Variants in A1CF observed in about 807,000 individuals in gnomAD.
A1CF encodes APOBEC-1 stimulating protein.
A1CF carries 48 observed loss-of-function variants against 68.9 expected under a neutral mutation model. The observed-to-expected ratio is 0.70, with a 90% CI of 0.55 to 0.89. The LOEUF (loss-of-function observed/expected upper bound fraction) is 0.89. Ranked by LOEUF, A1CF falls within the 40% of genes least tolerant of loss-of-function variation. A1CF has a pLI of 0.00. For synonymous variants in A1CF, 272 were observed against 260.4 expected, an observed-to-expected ratio of 1.04 and a Z score of -0.43; for missense variants, 653 against 718.9, an observed-to-expected ratio of 0.91 and a Z score of 1.05.
At chr10:50,823,064 T>C (rs1838754248) in intron 7 of A1CF, 1 of 152,186 alleles carries the variant, frequency 6.6e-6, no homozygotes, top group African/African-American at 2.4e-5. Context: ...GTTAGTGGCA[T>C]TTGAGATGAT....
chr10:50,829,210 C>A (rs1839118976), intron 6 of A1CF, among the ~76,000 whole-genome samples: 1 of 151,978 alleles, frequency 6.6e-6, no homozygotes, highest in African/African-American at 2.4e-5. Context: ...ACCACCTCCC[C>A]CTTTTTTGTT....
chr10:50,832,762 A>G (rs1023706265), intron 6 of A1CF, among the ~76,000 whole-genome samples: 2 of 152,186 alleles, frequency 1.3e-5, no homozygotes, highest in African/African-American at 4.8e-5. Context: ...TAACTTTTAA[A>G]TTATGATTTA....
intron 3 of A1CF, among the ~76,000 whole-genome samples, chr10:50,847,002 C>T (rs551314727): frequency 2.0e-4 from 30 of 152,182 alleles, no homozygotes; most frequent in Non-Finnish European, 3.8e-4. Context: ...AATAGCTGTC[C>T]ATTACTCAGA....
intron 3 of A1CF, among the ~76,000 whole-genome samples, chr10:50,855,922 A>G (rs1840457784): frequency 6.6e-6 from 1 of 152,060 alleles, no homozygotes; most frequent in Non-Finnish European, 1.5e-5. Flanking sequence ...TTTTTTAAAA[A>G]GTAAACTTGA....
At chr10:50,819,127 T>C (rs2132349390) in intron 8 of A1CF, among the ~76,000 whole-genome samples, 1 of 152,236 alleles carries the variant, frequency 6.6e-6, no homozygotes, top group Non-Finnish European at 1.5e-5. Flanking sequence ...TTCTTTTCTC[T>C]TTTCTTTCTT....
At position 50,820,695 on chromosome 10, in the gene A1CF, C is replaced by T. The variant is rs767019897; in HGVS notation, c.770-46G>A. The T allele has an allele frequency of 2.0e-6, 3 of 1,505,604 alleles. No homozygotes were observed. In the African/African-American group the frequency reaches 4.2e-5, roughly 21 times the overall value. 93.3% of individuals were successfully genotyped at this position (1,505,604 alleles called of 1,614,324 possible). ...TGCCCCATTAACAAAATTAAGAGAG[C>T]CTTGAAAGTGATATATTTTAGCATC... On this transcript the variant is annotated intron_variant, in intron 7 of 12. Coordinates refer to ENST00000373997, the MANE Select transcript of A1CF (RefSeq NM_014576.4).
chr10:50,826,796 G>C (rs1838963473), intron 7 of A1CF, among the ~76,000 whole-genome samples: 1 of 152,034 alleles, frequency 6.6e-6, no homozygotes, highest in Non-Finnish European at 1.5e-5. Flanking sequence ...AACCTTAAAA[G>C]GTAAGTGGGC....
rs1304528775 is a variant in A1CF, at chr10:50,809,755, A to T, written c.1609+139T>A. The T allele has an allele frequency of 1.1e-5, 14 of 1,304,396 alleles. 1 individual carries two copies. In the South Asian group the frequency reaches 1.1e-4, roughly 11 times the overall value. The allele number at this position is 1,304,396 out of a possible 1,614,324, so 80.8% of individuals were successfully genotyped here. A position where few individuals can be genotyped will look rare whatever the true frequency, so the allele number is the denominator to read the frequency against. Reference sequence around the variant, plus strand: ...TTTTAATGAGTCACTCATTTGGGAAACTCTTTTTGGTCCCAAGGTTGTGCA... The same window carrying T: ...TTTTAATGAGTCACTCATTTGGGAATCTCTTTTTGGTCCCAAGGTTGTGCA... On this transcript the variant is annotated intron_variant, in intron 12 of 12. Transcript: ENST00000373997.
intron 3 of A1CF, among the ~76,000 whole-genome samples, chr10:50,849,621 A>C (rs1048776606): frequency 6.6e-6 from 1 of 152,136 alleles, no homozygotes; most frequent in Non-Finnish European, 1.5e-5. Flanking sequence ...ATGATATTAG[A>C]TGGTTTATAG....
At chr10:50,828,062 A>T in intron 7 of A1CF, 69 bp downstream of exon 7, 1 of 1,221,760 alleles carries the variant, frequency 8.2e-7, no homozygotes, top group Non-Finnish European at 1.1e-6. Context: ...TCCTCGACAC[A>T]TACACCCTCC....
intron 7 of A1CF, among the ~76,000 whole-genome samples, chr10:50,827,328 A>G (rs1588985753): frequency 6.6e-6 from 1 of 152,236 alleles, no homozygotes; most frequent in East Asian, 1.9e-4. Context: ...AACAGAATAT[A>G]CATTCTTCTC....
At position 50,828,244 on chromosome 10, in the gene A1CF, T is replaced by G; in HGVS notation, c.656A>C (p.Glu219Ala). The G allele has an allele frequency of 6.2e-7, 1 of 1,607,770 alleles. No individual in the cohort carries two copies. Among genetic ancestry groups the G allele is most frequent in the Non-Finnish European group, 8.5e-7 (1 of 1,175,464 alleles). ...HGIAVDWAEP[E>A]VEVDEDTMSS... ...CATTGTATCTTCATCAACTTCTACT[T>G]CTGGCTCTGCCCAGTCTACTGCAAT... is the stretch of plus-strand genomic sequence containing the variant. The change falls in exon 7 of 13, where the codon GAA becomes GCA. Residue 219 changes from glutamate to alanine, a missense_variant. Glu to Ala is a moderately radical substitution (Grantham distance 107). Coordinates refer to ENST00000373997, the MANE Select transcript of A1CF (RefSeq NM_014576.4).
intron 4 of A1CF, among the ~76,000 whole-genome samples, chr10:50,843,209 T>C (rs892768764): frequency 6.6e-6 from 1 of 152,178 alleles, no homozygotes; most frequent in African/African-American, 2.4e-5. Flanking sequence ...ATCTCTATGT[T>C]TCAGGTGTTT....
intron 12 of A1CF, among the ~76,000 whole-genome samples, chr10:50,807,277 A>C (rs940398849): frequency 6.6e-6 from 1 of 152,132 alleles, no homozygotes; most frequent in Non-Finnish European, 1.5e-5. Context: ...TGGGCATGGT[A>C]TGTGGGGAGG....
chr10:50,820,761 T>C lies in A1CF; in HGVS notation c.770-112A>G, dbSNP rs1838613890. 9 of 733,970 alleles carry C rather than the reference T, an allele frequency of 1.2e-5. No individual in the cohort carries two copies. The East Asian group carries it at 2.5e-4, about 21-fold the overall frequency. The allele number at this position is 733,970 out of a possible 1,614,324, so 45.5% of individuals were successfully genotyped here. A position where few individuals can be genotyped will look rare whatever the true frequency, so the allele number is the denominator to read the frequency against. ...TTTGATTTTTTTTATGGATACCTCA[T>C]ATTTAAGTAAGGATCTCATCAAGAA... On this transcript the variant is annotated intron_variant, in intron 7 of 12. Transcript: ENST00000373997.
chr10:50,873,231 T>C (rs146213411), intron 1 of A1CF, among the ~76,000 whole-genome samples: 2,935 of 152,224 alleles, frequency 0.019, 112 homozygotes, highest in African/African-American at 0.066. Flanking sequence ...GCTGGGATTA[T>C]AGGTGTGAGC....
At chr10:50,842,081 A>G (rs1294510079) in intron 4 of A1CF, 89 bp from the exon 5 acceptor site, 2 of 1,206,638 alleles carry the variant, frequency 1.7e-6, no homozygotes, top group Non-Finnish European at 2.3e-6. Flanking sequence ...ACAAACACAC[A>G]CACACACAAT....
At chr10:50,878,855 T>C (rs1262871036) in intron 1 of A1CF, among the ~76,000 whole-genome samples, 1 of 152,234 alleles carries the variant, frequency 6.6e-6, no homozygotes, top group African/African-American at 2.4e-5. Flanking sequence ...GCAAGTGTGA[T>C]ACTCAAATGA....
At chr10:50,823,040 T>G (rs1469218688) in intron 7 of A1CF, 2 of 152,170 alleles carry the variant, frequency 1.3e-5, no homozygotes, top group Non-Finnish European at 2.9e-5. Flanking sequence ...TCCCAACTTC[T>G]GTCATTTACA....
Sources: allele counts gnomAD v4.1 joint callset (sites outside exome capture counted in the v4.1 genomes callset), GRCh38; gene constraint gnomAD v4.1.1; transcripts MANE v1.5; gene names NCBI Gene and HGNC (gene_info 2026-07-23, HGNC 2026-07-21).